The following ZNF558 variants were observed in gnomAD, a reference collection of about 807,000 sequenced individuals.
ZNF558 encodes the protein zinc finger protein 558.
ZNF558 carries 23 observed loss-of-function variants against 37.6 expected under a neutral mutation model. The ratio of observed to expected loss-of-function variants is 0.61; its 90% CI spans 0.44 to 0.87. The LOEUF is 0.87. Among genes scored for constraint, ZNF558 ranks in the 40% least tolerant of loss-of-function variants. The pLI is 0.00. For synonymous variants in ZNF558, 189 were observed against 174.4 expected, an observed-to-expected ratio of 1.08 and a Z score of -0.66; for missense variants, 429 against 483.7, an observed-to-expected ratio of 0.89 and a Z score of 1.06.
intron 6 of ZNF558, 52 bp from the exon 7 acceptor site, chr19:8,821,358 G>A (rs777673270): frequency 1.9e-6 from 3 of 1,613,980 alleles, no homozygotes; most frequent in South Asian, 2.2e-5. Context: ...CCACCAACGT[G>A]CACAGGAAGA....
At chr19:8,835,639 A>C (rs2044447467), upstream of ZNF558, among the ~76,000 whole-genome samples, 2 of 152,228 alleles carry the variant, frequency 1.3e-5, no homozygotes, top group South Asian at 4.1e-4. Context: ...AAAAAGTCAT[A>C]GAGTTGCCAC....
chr19:8,834,686 A>G (rs919410104), upstream of ZNF558, among the ~76,000 whole-genome samples: 10 of 152,016 alleles, frequency 6.6e-5, no homozygotes, highest in Admixed American at 5.9e-4. Flanking sequence ...CAGAGAATGA[A>G]ATTGGACCTC....
chr19:8,821,486 C>A, intron 6 of ZNF558, 180 bp from the exon 7 acceptor site: 1 of 1,461,788 alleles, frequency 6.8e-7, no homozygotes. Flanking sequence ...GAGCTCCTCT[C>A]CTGGGGTTCT....
intron 7 of ZNF558, among the ~76,000 whole-genome samples, chr19:8,814,187 T>C (rs1555769476): frequency 6.6e-6 from 1 of 152,222 alleles, no homozygotes; most frequent in African/African-American, 2.4e-5. Context: ...TAAATGGACC[T>C]CTTTCCCCTG....
At chr19:8,820,308 C>T (rs780295098) in intron 7 of ZNF558, among the ~76,000 whole-genome samples, 20 of 152,134 alleles carry the variant, frequency 1.3e-4, no homozygotes, top group Non-Finnish European at 2.4e-4. Context: ...AACAAAAGCT[C>T]GTACACAAAA....
intron 7 of ZNF558, among the ~76,000 whole-genome samples, chr19:8,819,902 C>CGCCACTGCACTCCAGCCTGG (rs1251060458): frequency 6.6e-6 from 1 of 152,264 alleles, no homozygotes; most frequent in East Asian, 1.9e-4. Context: ...GATCGTGCTG[C>CGCCACTGCACTCCAGCCTGG]GCCACTGCAC....
In ZNF558 at chr19:8,831,845, T is replaced by C. The variant is rs78620488; in HGVS notation, c.-593+364A>G. ...TTCTTTGTTGTGGGGGACTGTCCTG[T>C]ACAACGTAGGATCTTTAAGAGCAAG... On this transcript the variant is annotated intron_variant, in intron 1 of 9. Coordinates refer to ENST00000601372, the MANE Select transcript of ZNF558 (RefSeq NM_144693.3). 5.3e-4 allele frequency among the ~76,000 whole-genome samples: 80 copies of C among 152,306 alleles called. 1 individual carries two copies. In the East Asian group the frequency reaches 8.9e-3, roughly 17 times the overall value.
upstream of ZNF558, among the ~76,000 whole-genome samples, chr19:8,834,368 G>T (rs1465824465): frequency 6.6e-6 from 1 of 152,150 alleles, no homozygotes; most frequent in Non-Finnish European, 1.5e-5. Flanking sequence ...CCAGCACTTT[G>T]GGAGGCTGAG....
intron 7 of ZNF558, among the ~76,000 whole-genome samples, chr19:8,816,884 C>A (rs1292147605): frequency 6.6e-6 from 1 of 151,970 alleles, no homozygotes; most frequent in Admixed American, 6.6e-5. Flanking sequence ...CAATTTGTGA[C>A]AAAATTACTA....
chr19:8,814,534 A>C (rs930216736), intron 7 of ZNF558, among the ~76,000 whole-genome samples: 10 of 152,170 alleles, frequency 6.6e-5, no homozygotes, highest in Non-Finnish European at 1.5e-4. Flanking sequence ...TCTTCCTCAT[A>C]TTCTTAAGAA....
chr19:8,834,480 C>T (rs551943165), upstream of ZNF558, among the ~76,000 whole-genome samples: 83 of 151,892 alleles, frequency 5.5e-4, no homozygotes, highest in Non-Finnish European at 3.1e-4. Flanking sequence ...TGGTGGCGGG[C>T]GCCTATAGTC....
Position 8,811,238 on chromosome 19 carries a change from GA to G in ZNF558, c.*42del. The G allele has an allele frequency of 6.6e-7, 1 of 1,511,104 alleles. No individual in the cohort carries two copies. Among genetic ancestry groups the G allele is most frequent in the Non-Finnish European group, 8.9e-7 (1 of 1,128,602 alleles). 93.6% of individuals were successfully genotyped at this position (1,511,104 alleles called of 1,614,324 possible). A position where few individuals can be genotyped will look rare whatever the true frequency, so the allele number is the denominator to read the frequency against. On this transcript the variant is annotated 3_prime_UTR_variant, in exon 10 of 10. Transcript: ENST00000601372. ...AGCTCTCTCAAACTATCTTAGGGAT[GA>G]AAGATCAATGAGTGCTTTCCTCCAG...
chr19:8,813,352 T>C (rs1437835599), intron 7 of ZNF558, 130 bp from the exon 8 acceptor site: 4 of 688,228 alleles, frequency 5.8e-6, no homozygotes, highest in Non-Finnish European at 9.9e-6. Context: ...TATGCCTTAA[T>C]TCTTTTCTTT....
In ZNF558 at chr19:8,821,533, T is replaced by A. The variant is rs1003870989; in HGVS notation, c.121-227A>T. 4 of 1,431,772 alleles carry A rather than the reference T, an allele frequency of 2.8e-6. No homozygotes were observed. The African/African-American group carries it at 4.3e-5, about 15-fold the overall frequency. 88.7% of individuals were successfully genotyped at this position (1,431,772 alleles called of 1,614,324 possible). A position where few individuals can be genotyped will look rare whatever the true frequency, so the allele number is the denominator to read the frequency against. On this transcript the variant is annotated intron_variant, in intron 6 of 9. Transcript: ENST00000601372. ...CCTGGCTTCTGAGCTCAGCCCTCAA[T>A]GCTTGTCTCCTTAGGCCATTCCCAG...
intron 2 of ZNF558, chr19:8,830,925 G>C (rs1297408820): frequency 6.6e-6 from 1 of 151,832 alleles, no homozygotes; most frequent in Non-Finnish European, 1.5e-5. Flanking sequence ...AATCAAACAG[G>C]CCTGAAAAAT....
At chr19:8,830,156 C>G (rs1404656603) in intron 2 of ZNF558, among the ~76,000 whole-genome samples, 2 of 152,192 alleles carry the variant, frequency 1.3e-5, no homozygotes, top group Non-Finnish European at 2.9e-5. Context: ...TCTTCTCTCT[C>G]TCTCCTGCTG....
At chr19:8,817,023 G>GA (rs1321258491) in intron 7 of ZNF558, among the ~76,000 whole-genome samples, 1 of 151,838 alleles carries the variant, frequency 6.6e-6, no homozygotes, top group Non-Finnish European at 1.5e-5. Context: ...TAACTAAAAA[G>GA]ATTAAAAAGA....
chr19:8,822,634 G>A lies in ZNF558; in HGVS notation c.26C>T (p.Thr9Ile), dbSNP rs139328863. ...GTCAGGACCCCACGACTCACCAGCAGTCGAGGGCAGGATGACAGCCGCCAT... is the reference window on the plus strand; with the variant it reads ...GTCAGGACCCCACGACTCACCAGCAATCGAGGGCAGGATGACAGCCGCCAT... MAAVILPSTAAPSSLFPAS... is the reference protein window; with the variant it reads MAAVILPSIAAPSSLFPAS... The change falls in exon 5 of 10, where the codon ACT becomes ATT. Residue 9 changes from threonine (T) to isoleucine (I), a missense_variant. Thr to Ile is a moderately conservative substitution (Grantham distance 89). Coordinates refer to ENST00000601372, the MANE Select transcript of ZNF558 (RefSeq NM_144693.3). The surrounding 1 kb of genome is among the most constrained non-coding windows in gnomAD (Gnocchi z 4.4). 2.9e-5 allele frequency: 46 copies of A among 1,614,010 alleles called. No individual in the cohort carries two copies. In the African/African-American group the frequency reaches 5.9e-4, roughly 21 times the overall value.
At chr19:8,815,252 T>G (rs1347656594) in intron 7 of ZNF558, among the ~76,000 whole-genome samples, 7 of 151,920 alleles carry the variant, frequency 4.6e-5, no homozygotes, top group Non-Finnish European at 1.0e-4. Flanking sequence ...AAGGAAACCA[T>G]GAATACAAAT....
Sources: allele counts gnomAD v4.1 joint callset (sites outside exome capture counted in the v4.1 genomes callset), GRCh38; gene constraint gnomAD v4.1.1; non-coding constraint Gnocchi (gnomAD v3.1); transcripts MANE v1.5; gene names NCBI Gene and HGNC (gene_info 2026-07-23, HGNC 2026-07-21).